UNC5B: variants seen among roughly 807,000 people sequenced by gnomAD.
UNC5B encodes unc-5 netrin receptor B, also known as netrin receptor UNC5B.
In UNC5B, 56 loss-of-function variants were observed where a neutral mutation model predicts 103.7. The ratio of observed to expected loss-of-function variants is 0.54; its 90% CI spans 0.44 to 0.67. The LOEUF is 0.67. Ranked by LOEUF, UNC5B falls within the 30% of genes least tolerant of loss-of-function variation. UNC5B has a pLI of 0.00. For synonymous variants in UNC5B, 577 were observed against 542.0 expected (o/e 1.06, Z -0.90); for missense variants, 1,194 against 1,284.5 (o/e 0.93, Z 1.08).
intron 3 of UNC5B, 30 bp downstream of exon 3, chr10:71,284,893 T>G: frequency 6.4e-7 from 1 of 1,557,656 alleles, no homozygotes; most frequent in Non-Finnish European, 8.7e-7. Flanking sequence ...ACCCTGTCCC[T>G]GCAGGAACCT....
At chr10:71,291,926 A>T in intron 10 of UNC5B, 105 bp downstream of exon 10, 2 of 1,409,928 alleles carry the variant, frequency 1.4e-6, no homozygotes, top group Non-Finnish European at 1.9e-6. Context: ...ATCCCATCTC[A>T]CAGATGGGGA....
At chr10:71,290,792 G>C (rs532212525) in intron 8 of UNC5B, 123 bp from the exon 9 acceptor site, 1 of 1,236,120 alleles carries the variant, frequency 8.1e-7, no homozygotes, top group East Asian at 2.4e-5. Context: ...GCAGGGCTCA[G>C]ACTGGAACTC....
At chr10:71,245,871 C>T (rs1010755651) in intron 1 of UNC5B, among the ~76,000 whole-genome samples, 6 of 152,178 alleles carry the variant, frequency 3.9e-5, no homozygotes, top group African/African-American at 9.7e-5. Context: ...TAGAGCAAAT[C>T]GTATCAGCTC....
intron 1 of UNC5B, among the ~76,000 whole-genome samples, chr10:71,216,126 T>C (rs560467945): frequency 6.6e-6 from 1 of 152,280 alleles, no homozygotes; most frequent in African/African-American, 2.4e-5. Context: ...ACAGGCCAAC[T>C]TGCCCAAGGT....
rs372400301 is a variant in UNC5B, at chr10:71,293,756, G to C, written c.1998G>C (p.Glu666Asp). Reference protein sequence around the residue: ...TLNTPCYCQLEPRACHILLDQ... With the variant: ...TLNTPCYCQLDPRACHILLDQ... Reference sequence around the variant, plus strand: ...ACACACCCTGCTACTGCCAGCTGGAGCCCAGGGCCTGTCACATCCTGCTGG... The same window carrying C: ...ACACACCCTGCTACTGCCAGCTGGACCCCAGGGCCTGTCACATCCTGCTGG... Residue 666 changes from glutamate (E) to aspartate (D), a missense_variant, in exon 13 of 17, where the codon GAG becomes GAC. Transcript: ENST00000335350. The C allele has an allele frequency of 7.0e-5, 111 of 1,596,678 alleles. No homozygotes were observed. The highest frequency in any genetic ancestry group is 9.4e-5 in the Non-Finnish European group (110 of 1,171,658).
At chr10:71,226,319 C>T (rs2132244030) in intron 1 of UNC5B, among the ~76,000 whole-genome samples, 1 of 152,354 alleles carries the variant, frequency 6.6e-6, no homozygotes, top group Admixed American at 6.5e-5. Context: ...AAGTGATCCG[C>T]TTGCCTCGGC....
At chr10:71,277,189 G>A (rs111842364) in intron 1 of UNC5B, among the ~76,000 whole-genome samples, 2,781 of 152,362 alleles carry the variant, frequency 0.018, 84 homozygotes, top group African/African-American at 0.062. Flanking sequence ...GCACAGAGGC[G>A]GCTGTCACCC....
At chr10:71,216,623 T>C (rs770185339) in intron 1 of UNC5B, among the ~76,000 whole-genome samples, 2 of 152,206 alleles carry the variant, frequency 1.3e-5, no homozygotes, top group African/African-American at 2.4e-5. Context: ...TTTTACTTTT[T>C]ACTTATATTC....
chr10:71,242,134 G>A (rs1457730167), intron 1 of UNC5B, among the ~76,000 whole-genome samples: 4 of 152,134 alleles, frequency 2.6e-5, no homozygotes, highest in Non-Finnish European at 2.9e-5. Context: ...GACATGGGGG[G>A]GCGTGGCATT....
chr10:71,257,892 C>A (rs964264665), intron 1 of UNC5B, among the ~76,000 whole-genome samples: 1 of 152,360 alleles, frequency 6.6e-6, no homozygotes, highest in African/African-American at 2.4e-5. Context: ...TGCATAGGCA[C>A]CTGCCTGTGC....
At chr10:71,225,491 C>T (rs1843543256) in intron 1 of UNC5B, among the ~76,000 whole-genome samples, 1 of 152,150 alleles carries the variant, frequency 6.6e-6, no homozygotes, top group African/African-American at 2.4e-5. Context: ...CCATTGCACA[C>T]CCCACATCCC....
rs532820405 is a variant in UNC5B, at chr10:71,294,951, G to T, written c.2176-860G>T. Among the ~76,000 whole-genome samples, 27 of 152,274 alleles carry T rather than the reference G, an allele frequency of 1.8e-4. No individual in the cohort carries two copies. The South Asian group carries it at 5.4e-3, about 30-fold the overall frequency. On this transcript the variant is annotated intron_variant, in intron 13 of 16. Coordinates refer to ENST00000335350, the MANE Select transcript of UNC5B (RefSeq NM_170744.5). ...CCTGGAAGCATACAGACACTTGGCC[G>T]TGTGTGAGCCCCTTCCCCTCCCTCC...
chr10:71,221,460 G>A (rs1485488408), intron 1 of UNC5B, among the ~76,000 whole-genome samples: 1 of 152,162 alleles, frequency 6.6e-6, no homozygotes, highest in Non-Finnish European at 1.5e-5. Flanking sequence ...TTGGGGGTTG[G>A]GGAATGAGGA....
intron 1 of UNC5B, among the ~76,000 whole-genome samples, chr10:71,222,419 C>T (rs1006166628): frequency 1.4e-4 from 22 of 152,234 alleles, no homozygotes; most frequent in African/African-American, 5.3e-4. Context: ...ATTCCACCAC[C>T]TTCACCAGGT....
At chr10:71,233,024 G>T (rs1393507266) in intron 1 of UNC5B, among the ~76,000 whole-genome samples, 1 of 152,220 alleles carries the variant, frequency 6.6e-6, no homozygotes, top group Non-Finnish European at 1.5e-5. Context: ...TTGTGGGCAG[G>T]TCGCTGTCCC....
intron 1 of UNC5B, among the ~76,000 whole-genome samples, chr10:71,254,412 G>C (rs113889341): frequency 0.013 from 2,050 of 152,326 alleles, 42 homozygotes; most frequent in Middle Eastern, 0.027. Flanking sequence ...GGGGGCATAG[G>C]GCTGACAATG....
chr10:71,284,281 G>A (rs1326766953), intron 2 of UNC5B, among the ~76,000 whole-genome samples: 1 of 152,124 alleles, frequency 6.6e-6, no homozygotes, highest in Non-Finnish European at 1.5e-5. Flanking sequence ...GATGTGCAAG[G>A]GCCCCGTGGC....
intron 16 of UNC5B, 104 bp from the exon 17 acceptor site, chr10:71,299,008 C>T: frequency 6.8e-7 from 1 of 1,474,534 alleles, no homozygotes; most frequent in Non-Finnish European, 9.3e-7. Context: ...CAGTGGGACA[C>T]CAAAGCTCAC....
chr10:71,265,643 G>A (rs1564722990), intron 1 of UNC5B, among the ~76,000 whole-genome samples: 3 of 152,200 alleles, frequency 2.0e-5, no homozygotes, highest in African/African-American at 4.8e-5. Flanking sequence ...CCCTCCACCC[G>A]TGTGTTTTCA....
Sources: allele counts gnomAD v4.1 joint callset (sites outside exome capture counted in the v4.1 genomes callset), GRCh38; gene constraint gnomAD v4.1.1; transcripts MANE v1.5; gene names NCBI Gene and HGNC (gene_info 2026-07-23, HGNC 2026-07-21).